The following TENM2 variants were observed in gnomAD, a reference collection of about 807,000 sequenced individuals.
TENM2 encodes the protein teneurin-2.
In TENM2, 52 loss-of-function variants were observed where a neutral mutation model predicts 245.2. The ratio of observed to expected loss-of-function variants is 0.21; its 90% CI spans 0.17 to 0.27. The LOEUF (loss-of-function observed/expected upper bound fraction) is 0.27. Ranked by LOEUF, TENM2 falls within the 10% of genes least tolerant of loss-of-function variation. The pLI is 1.00. For missense variants in TENM2, 3,046 were observed against 3,666.8 expected (o/e 0.83, Z 4.37); for synonymous variants, 1,363 against 1,438.9 (o/e 0.95, Z 1.19).
intron 13 of TENM2, chr5:168,187,687 T>G (rs1399102619): frequency 1.3e-5 from 2 of 152,262 alleles, no homozygotes; most frequent in African/African-American, 4.8e-5. Context: ...CAGAATTCTA[T>G]GCACTTTTTT....
intron 3 of TENM2, among the ~76,000 whole-genome samples, chr5:167,924,643 A>C (rs1777612962): frequency 6.6e-6 from 1 of 152,298 alleles, no homozygotes; most frequent in South Asian, 2.1e-4. Flanking sequence ...CCCTTTGTCA[A>C]AGTAAAGTGG....
chr5:167,605,138 G>A (rs1776935821), intron 2 of TENM2, among the ~76,000 whole-genome samples: 1 of 152,076 alleles, frequency 6.6e-6, no homozygotes, highest in African/African-American at 2.4e-5. Flanking sequence ...AACATACTGA[G>A]CATTTTCCAC....
At chr5:167,666,033 G>A (rs962733407) in intron 2 of TENM2, among the ~76,000 whole-genome samples, 4 of 152,190 alleles carry the variant, frequency 2.6e-5, no homozygotes, top group Admixed American at 6.6e-5. Flanking sequence ...CAGAGGCAGA[G>A]GTATTTGTGT....
In TENM2 at chr5:167,642,132, C is replaced by T. The variant is rs550795160; in HGVS notation, c.503-233854C>T. Among the ~76,000 whole-genome samples the T allele has an allele frequency of 9.9e-5, 12 of 121,512 alleles. No individual in the cohort carries two copies. In the East Asian group the frequency reaches 1.2e-3, roughly 12 times the overall value. The allele number at this position is 121,512 out of a possible 152,430, so 79.7% of individuals were successfully genotyped here. ...CTCCAGCCTGGGCAACAGAGTGAGA[C>T]GCTGTCTCAAAAAAAAAAAAAAAAT... is the stretch of plus-strand genomic sequence containing the variant. On this transcript the variant is annotated intron_variant, in intron 2 of 28. Coordinates refer to ENST00000518659, the Ensembl canonical transcript of TENM2.
intron 2 of TENM2, among the ~76,000 whole-genome samples, chr5:167,454,288 G>C (rs1054103825): frequency 6.6e-6 from 1 of 152,168 alleles, no homozygotes; most frequent in African/African-American, 2.4e-5. Context: ...TGCTGTACTA[G>C]TCAGGATGTT....
intron 18 of TENM2, 122 bp from the exon 21 acceptor site, chr5:168,204,250 T>C: frequency 9.4e-7 from 1 of 1,066,450 alleles, no homozygotes. Context: ...TGTGAAGAAG[T>C]TGGAGAGCTC....
intron 23 of TENM2, among the ~76,000 whole-genome samples, chr5:168,223,836 A>T: frequency 6.6e-6 from 1 of 152,130 alleles, no homozygotes; most frequent in Non-Finnish European, 1.5e-5. Context: ...AAAATTCCAT[A>T]CAGCAAAACC....
intron 2 of TENM2, among the ~76,000 whole-genome samples, chr5:167,425,206 G>A (rs986791821): frequency 4.6e-5 from 7 of 152,126 alleles, no homozygotes; most frequent in Non-Finnish European, 8.8e-5. Flanking sequence ...AGGCAGATGA[G>A]GATAGTATAA....
chr5:168,026,332 T>C (rs1403773478), intron 5 of TENM2, among the ~76,000 whole-genome samples: 3 of 152,124 alleles, frequency 2.0e-5, no homozygotes, highest in Admixed American at 2.0e-4. Context: ...ATTAGCTCAA[T>C]AGAACTGTGG....
intron 2 of TENM2, among the ~76,000 whole-genome samples, chr5:167,746,270 T>A (rs1761554131): frequency 6.6e-6 from 1 of 152,178 alleles, no homozygotes; most frequent in Non-Finnish European, 1.5e-5. Context: ...CTAGGGAGTG[T>A]TGCCACCTTA....
intron 2 of TENM2, among the ~76,000 whole-genome samples, chr5:167,506,664 C>T (rs1189811600): frequency 6.6e-6 from 1 of 151,964 alleles, no homozygotes; most frequent in Non-Finnish European, 1.5e-5. Flanking sequence ...TTCCTGATGC[C>T]CAATCTCATT....
At chr5:167,798,633 G>A (rs1271572371) in intron 2 of TENM2, among the ~76,000 whole-genome samples, 1 of 152,134 alleles carries the variant, frequency 6.6e-6, no homozygotes, top group Admixed American at 6.5e-5. Context: ...CCAACAGATC[G>A]CAGACTCCGC....
chr5:168,016,106 C>A (rs760029449), intron 5 of TENM2, among the ~76,000 whole-genome samples: 14 of 152,228 alleles, frequency 9.2e-5, no homozygotes, highest in Non-Finnish European at 1.9e-4. Context: ...GCAACACTCA[C>A]TCTATGCTGG....
intron 2 of TENM2, among the ~76,000 whole-genome samples, chr5:167,770,315 G>A (rs1763318937): frequency 6.6e-6 from 1 of 152,094 alleles, no homozygotes; most frequent in Admixed American, 6.6e-5. Flanking sequence ...ATGACTCTAT[G>A]GCAAGTTAGA....
intron 2 of TENM2, among the ~76,000 whole-genome samples, chr5:167,565,081 CT>C (rs1353540365): frequency 2.0e-5 from 3 of 152,248 alleles, no homozygotes; most frequent in Non-Finnish European, 4.4e-5. Flanking sequence ...TGGTGATAGA[CT>C]GCAACAGAGT....
chr5:167,258,761 A>G, the TENM2 span, among the ~76,000 whole-genome samples: 2 of 152,160 alleles, frequency 1.3e-5, no homozygotes, highest in African/African-American at 2.4e-5. Flanking sequence ...TAAAACTTCA[A>G]CACAAATACA....
At chr5:167,480,434 C>T (rs1392478131) in intron 2 of TENM2, among the ~76,000 whole-genome samples, 2 of 152,122 alleles carry the variant, frequency 1.3e-5, no homozygotes, top group African/African-American at 2.4e-5. Flanking sequence ...GCAAGAGTTG[C>T]AGAATTATGC....
At chr5:167,959,793 G>C (rs1245167386) in intron 4 of TENM2, among the ~76,000 whole-genome samples, 1 of 152,152 alleles carries the variant, frequency 6.6e-6, no homozygotes, top group African/African-American at 2.4e-5. Flanking sequence ...CTGGTTTTTG[G>C]AATTTTCAGC....
At chr5:168,077,022 TACTA>T (rs1389668274) in intron 7 of TENM2, among the ~76,000 whole-genome samples, 1 of 152,182 alleles carries the variant, frequency 6.6e-6, no homozygotes, top group Non-Finnish European at 1.5e-5. Flanking sequence ...CCCCACCACT[TACTA>T]ACTGTTGGGT....
Sources: gnomAD v4.1 joint callset for allele counts (sites outside exome capture counted in the v4.1 genomes callset) on GRCh38, gnomAD v4.1.1 for gene constraint, MANE v1.5 for transcripts, NCBI Gene and HGNC (gene_info 2026-07-23, HGNC 2026-07-21) for gene names.